Variants in SHANK1 observed in about 807,000 individuals in gnomAD.
SHANK1 encodes the protein SH3 and multiple ankyrin repeat domains 1.
A neutral mutation model predicts 165.6 loss-of-function variants in SHANK1; 35 were observed. That is an observed-to-expected ratio of 0.21 (90% CI 0.16 to 0.28). The LOEUF (loss-of-function observed/expected upper bound fraction) is 0.28. Ranked by LOEUF, SHANK1 falls within the 10% of genes least tolerant of loss-of-function variation. SHANK1 has a pLI of 1.00. For missense variants in SHANK1, 2,681 were observed against 3,036.4 expected (o/e 0.88, Z 2.75); for synonymous variants, 1,428 against 1,384.8 (o/e 1.03, Z -0.69).
chr19:50,672,274 C>T (rs368367450), intron 21 of SHANK1, among the ~76,000 whole-genome samples, 160 bp from the exon 22 acceptor site: 1 of 152,038 alleles, frequency 6.6e-6, no homozygotes, highest in Non-Finnish European at 1.5e-5. Flanking sequence ...GGCCGGGCAA[C>T]GTGGCTCACG....
At chr19:50,712,805 G>A (rs902489190) in intron 6 of SHANK1, among the ~76,000 whole-genome samples, 2 of 152,254 alleles carry the variant, frequency 1.3e-5, no homozygotes, top group African/African-American at 2.4e-5. Flanking sequence ...TGGCAGGCAC[G>A]TGTGGGCCCC....
intron 21 of SHANK1, among the ~76,000 whole-genome samples, chr19:50,675,442 C>T (rs1252795558): frequency 1.3e-5 from 2 of 152,178 alleles, no homozygotes; most frequent in Non-Finnish European, 2.9e-5. Context: ...TTCCTGGGGT[C>T]TGTATTACAT....
chr19:50,682,782 A>C (rs1356660529), intron 21 of SHANK1, among the ~76,000 whole-genome samples: 1 of 152,194 alleles, frequency 6.6e-6, no homozygotes, highest in Non-Finnish European at 1.5e-5. Flanking sequence ...ATCTAAGTCC[A>C]CTTAGGATAA....
At position 50,662,436 on chromosome 19, in the gene SHANK1, G is replaced by A. The variant is rs753950279; in HGVS notation, c.6015C>T (p.Pro2005=). 4.8e-5 allele frequency: 74 copies of A among 1,554,782 alleles called. No individual in the cohort carries two copies. Among genetic ancestry groups the A allele is most frequent in the Middle Eastern group, 1.9e-4 (1 of 5,210 alleles). ...LRRAPSPSLL[P]ASEHKVSPAP... is the part of the protein sequence containing the mutation. ...CAGGGCTGACCTTGTGCTCCGAGGC[G>A]GGCAGCAGCGAGGGGCTGGGGGCCC... The change falls in exon 24 of 24, where the codon CCC becomes CCT. Residue 2005 remains proline (P), a synonymous_variant. Coordinates refer to ENST00000293441, the MANE Select transcript of SHANK1 (RefSeq NM_016148.5). The surrounding 1 kb of genome is among the most constrained non-coding windows in gnomAD (Gnocchi z 7.7).
intron 19 of SHANK1, chr19:50,687,143 G>A: frequency 1.5e-6 from 1 of 650,198 alleles, no homozygotes; most frequent in South Asian, 2.7e-5. Flanking sequence ...CCCCGGGGTG[G>A]GGGCGGTCAG....
chr19:50,718,154 A>ATG lies in SHANK1; in HGVS notation c.-43-1194_-43-1193dup, dbSNP rs1277104426. 1.3e-5 allele frequency among the ~76,000 whole-genome samples: 2 copies of ATG among 151,724 alleles called. No individual in the cohort carries two copies. Among genetic ancestry groups the ATG allele is most frequent in the African/African-American group, 4.8e-5 (2 of 41,322 alleles). ...GGGGGGTTGGGAAAGGGAAGACTAA[A>ATG]TGTGTGTGGTGGGAGGAGAGTTCCA... On this transcript the variant is annotated intron_variant, in intron 1 of 23. Transcript: ENST00000293441. The surrounding 1 kb of genome is among the most constrained non-coding windows in gnomAD (Gnocchi z 5.1).
At chr19:50,672,154 A>ATTC in intron 21 of SHANK1, 40 bp from the exon 22 acceptor site, 1 of 1,506,968 alleles carries the variant, frequency 6.6e-7, no homozygotes, top group Non-Finnish European at 9.1e-7. Context: ...GAGAAAAGAT[A>ATTC]GAGAGAGATC....
At chr19:50,694,872 C>A (rs1356368598) in intron 15 of SHANK1, among the ~76,000 whole-genome samples, 1 of 150,568 alleles carries the variant, frequency 6.6e-6, no homozygotes, top group African/African-American at 2.4e-5. Flanking sequence ...GCCGGCCGGC[C>A]CGCAAAGCAG....
intron 15 of SHANK1, among the ~76,000 whole-genome samples, chr19:50,693,131 C>G (rs113007198): frequency 5.3e-5 from 8 of 151,834 alleles, no homozygotes; most frequent in African/African-American, 1.9e-4. Context: ...ACATGCCCTC[C>G]CGCCTGCATT....
chr19:50,669,144 G>A lies in SHANK1; in HGVS notation c.2816C>T (p.Pro939Leu), dbSNP rs555828907. 1.3e-6 allele frequency: 2 copies of A among 1,566,952 alleles called. No homozygotes were observed. Among genetic ancestry groups the A allele is most frequent in the African/African-American group, 1.4e-5 (1 of 73,354 alleles). Residue 939 changes from proline (P) to leucine (L), a missense_variant, in exon 23 of 24, where the codon CCC (proline) becomes CTC (leucine). This residue lies in a region of SHANK1 where 1,713 missense variants were observed against 1,630.2 expected (regional missense o/e 1.05). Coordinates refer to ENST00000293441, the MANE Select transcript of SHANK1 (RefSeq NM_016148.5). ...GGGGGTGAGGCGCCCTGAGGAGGAG[G>A]GGACTGGAGGTGTGCTGTAGGGAGG... ...PEPPYSTPPV[P>L]SSSGRLTPSP...
Position 50,688,127 on chromosome 19 carries a change from C to T in SHANK1, c.2173-69G>A. On this transcript the variant is annotated intron_variant, in intron 17 of 23. Transcript: ENST00000293441. This position sits in a 1 kb window ranked among gnomAD's most constrained non-coding sequence, Gnocchi z 6.7. Reference sequence around the variant, plus strand: ...AGGGGTGCTTGCAGCTTCAGAGACCCCAAGGAGGATGCCTCCTGCGCTGCC... The same window carrying T: ...AGGGGTGCTTGCAGCTTCAGAGACCTCAAGGAGGATGCCTCCTGCGCTGCC... 1.3e-6 allele frequency: 2 copies of T among 1,589,078 alleles called. No individual in the cohort carries two copies. The highest frequency in any genetic ancestry group is 2.2e-5 in the East Asian group (1 of 44,734).
In SHANK1 at chr19:50,670,330, C is replaced by T. The variant is rs1345657620; in HGVS notation, c.2675-1045G>A. Reference sequence around the variant, plus strand: ...AAATCCTGTTGTTTCAAAACATATCCGGAATCCAATCCCTTCTCACCCCTC... The same window carrying T: ...AAATCCTGTTGTTTCAAAACATATCTGGAATCCAATCCCTTCTCACCCCTC... On this transcript the variant is annotated intron_variant, in intron 22 of 23. Transcript: ENST00000293441. This position sits in a 1 kb window ranked among gnomAD's most constrained non-coding sequence, Gnocchi z 4.1. Among the ~76,000 whole-genome samples the T allele has an allele frequency of 2.0e-5, 3 of 152,156 alleles. No homozygotes were observed. Among genetic ancestry groups the T allele is most frequent in the South Asian group, 2.1e-4 (1 of 4,834 alleles).
rs1352010650 is a variant in SHANK1 at position 50,667,356 on chromosome 19, C to T, written c.4604G>A (p.Arg1535Lys). 6.5e-7 allele frequency: 1 copy of T among 1,550,110 alleles called. No individual in the cohort carries two copies. Among genetic ancestry groups the T allele is most frequent in the Middle Eastern group, 1.7e-4 (1 of 5,884 alleles). ...GGGCAGCCCGTTCTCTTCGCTGGCC[C>T]TCGGGGAGGTCGGGGAGGGGGGCAC... ...RSVPPSPTSP[R>K]ASEENGLPLL... The change falls in exon 23 of 24, where the codon AGG becomes AAG. Residue 1535 changes from arginine to lysine, a missense_variant. Coordinates refer to ENST00000293441, the MANE Select transcript of SHANK1 (RefSeq NM_016148.5). The surrounding 1 kb of genome is among the most constrained non-coding windows in gnomAD (Gnocchi z 5.7).
intron 21 of SHANK1, among the ~76,000 whole-genome samples, chr19:50,683,054 A>G (rs866366530): frequency 2.0e-5 from 3 of 152,168 alleles, no homozygotes; most frequent in Non-Finnish European, 2.9e-5. Flanking sequence ...CTGGTCTCGA[A>G]CTACTAAGCT....
chr19:50,684,360 G>A (rs1034362223), intron 21 of SHANK1, among the ~76,000 whole-genome samples: 2 of 152,128 alleles, frequency 1.3e-5, no homozygotes, highest in African/African-American at 4.8e-5. Flanking sequence ...TGAGTAGCTG[G>A]GATTACAGGC....
At chr19:50,679,175 T>TG (rs1192585662) in intron 21 of SHANK1, among the ~76,000 whole-genome samples, 1 of 60,700 alleles carries the variant, frequency 1.6e-5, no homozygotes, top group East Asian at 5.0e-4. Flanking sequence ...GTGAGGGTGA[T>TG]GGGGGGGTGT....
rs1599862154 is a variant in SHANK1 at position 50,697,470 on chromosome 19, C to G, written c.1937+119G>C. 4.3e-6 allele frequency: 4 copies of G among 920,160 alleles called. No homozygotes were observed. The Admixed American group carries it at 7.0e-5, about 16-fold the overall frequency. The allele number at this position is 920,160 out of a possible 1,614,324, so 57.0% of individuals were successfully genotyped here. On this transcript the variant is annotated intron_variant, in intron 14 of 23. Transcript: ENST00000293441. The surrounding 1 kb of genome is among the most constrained non-coding windows in gnomAD (Gnocchi z 4.7). ...ATTCTGGCTTATCCCACCCCTGGAT[C>G]AAACTTGAGAAGGAACAGATTAGAA...
At chr19:50,672,215 T>G in intron 21 of SHANK1, 101 bp from the exon 22 acceptor site, 1 of 943,776 alleles carries the variant, frequency 1.1e-6, no homozygotes. Context: ...CCCCATTCCT[T>G]CCCTAAGCCC....
rs773579974 is a variant in SHANK1 at position 50,668,552 on chromosome 19, G to C, written c.3408C>G (p.Ala1136=). 7.3e-7 allele frequency: 1 copy of C among 1,366,588 alleles called. No individual in the cohort carries two copies. Among genetic ancestry groups the C allele is most frequent in the Non-Finnish European group, 9.4e-7 (1 of 1,059,706 alleles). The allele number at this position is 1,366,588 out of a possible 1,614,324, so 84.7% of individuals were successfully genotyped here. Residue 1136 remains alanine (A), a synonymous_variant, in exon 23 of 24, where the codon GCC becomes GCG. Transcript: ENST00000293441. The part of the protein sequence containing the change: ...LPPAPSPTSP[A]SPQPPPAVAA... ...CCACGGCGGGCGGCGGCTGCGGGGA[G>C]GCCGGGGACGTGGGCGACGGCGCGG...
Sources: allele counts gnomAD v4.1 joint callset (sites outside exome capture counted in the v4.1 genomes callset), GRCh38; gene constraint gnomAD v4.1.1; regional missense constraint gnomAD v4.1.1; non-coding constraint Gnocchi (gnomAD v3.1); transcripts MANE v1.5; gene names NCBI Gene and HGNC (gene_info 2026-07-23, HGNC 2026-07-21).